GGACT: variants seen among roughly 807,000 people sequenced by gnomAD.
GGACT encodes gamma-glutamylamine cyclotransferase.
For synonymous variants in GGACT, 118 were observed against 115.3 expected, an observed-to-expected ratio of 1.02 and a Z score of -0.15; for missense variants, 241 against 233.2, an observed-to-expected ratio of 1.03 and a Z score of -0.22.
intron 2 of GGACT, among the ~76,000 whole-genome samples, chr13:100,541,284 G>A (rs1195751495): frequency 6.6e-6 from 1 of 151,788 alleles, no homozygotes; most frequent in Non-Finnish European, 1.5e-5. Context: ...CAGAGTGCAG[G>A]GCAAGTATCA....
At chr13:100,535,952 GC>G (rs1470653400) in intron 2 of GGACT, 4 of 151,984 alleles carry the variant, frequency 2.6e-5, no homozygotes, top group Non-Finnish European at 5.9e-5. Flanking sequence ...TGCCATCCAG[GC>G]CACCCTCATT....
chr13:100,563,874 G>T (rs1674838048), intron 2 of GGACT, among the ~76,000 whole-genome samples: 1 of 152,206 alleles, frequency 6.6e-6, no homozygotes, highest in African/African-American at 2.4e-5. Flanking sequence ...GAAAGGAGGA[G>T]GTGGGTGCCT....
chr13:100,540,017 C>T (rs1193552872), intron 2 of GGACT: 3 of 1,310,386 alleles, frequency 2.3e-6, no homozygotes, highest in Admixed American at 3.4e-5. Context: ...CTGTGAATTG[C>T]ACAACTCACA....
In GGACT at chr13:100,545,091, G is replaced by A. The variant is rs1311334798; in HGVS notation, c.-10-12490C>T. Among the ~76,000 whole-genome samples, 2 of 152,362 alleles carry A rather than the reference G, an allele frequency of 1.3e-5. No individual in the cohort carries two copies. The highest frequency in any genetic ancestry group is 2.9e-5 in the Non-Finnish European group (2 of 68,036). On this transcript the variant is annotated intron_variant, in intron 2 of 2. Transcript: ENST00000683975. This position sits in a 1 kb window ranked among gnomAD's most constrained non-coding sequence, Gnocchi z 4.4. ...CGGCCAGCGGCCCAACACTGGAGAT[G>A]CCGTCAACCTCGTCACACAGGGCCA...
Position 100,532,090 on chromosome 13 carries a change from C to G in GGACT, c.*40G>C. ...GCATGGGCTGGGCGCATCTTGGAGC[C>G]CCAGGGCTCTCAAACCTAGGCCCAC... On this transcript the variant is annotated 3_prime_UTR_variant, in exon 3 of 3. Transcript: ENST00000683975. 1 of 1,389,898 alleles carries G rather than the reference C, an allele frequency of 7.2e-7. No individual in the cohort carries two copies. Among genetic ancestry groups the G allele is most frequent in the Non-Finnish European group, 9.5e-7 (1 of 1,055,508 alleles). 86.1% of individuals were successfully genotyped at this position (1,389,898 alleles called of 1,614,324 possible).
chr13:100,530,229 A>T lies in GGACT; in HGVS notation c.*1901T>A, dbSNP rs1174553918. The T allele has an allele frequency of 2.3e-6, 3 of 1,277,082 alleles. No homozygotes were observed. Among genetic ancestry groups the T allele is most frequent in the Non-Finnish European group, 3.4e-6 (3 of 875,006 alleles). The allele number at this position is 1,277,082 out of a possible 1,614,324, so 79.1% of individuals were successfully genotyped here. A position where few individuals can be genotyped will look rare whatever the true frequency, so the allele number is the denominator to read the frequency against. On this transcript the variant is annotated 3_prime_UTR_variant, in exon 3 of 3. Transcript: ENST00000683975. Reference sequence around the variant, plus strand: ...AGCCATTTGCATGATGCTTTCACACACAATTGATTCAAGCATTATACAGGA... The same window carrying T: ...AGCCATTTGCATGATGCTTTCACACTCAATTGATTCAAGCATTATACAGGA...
At position 100,544,517 on chromosome 13, in the gene GGACT, T is replaced by C. The variant is rs116132744; in HGVS notation, c.-10-11916A>G. Among the ~76,000 whole-genome samples, 990 of 152,310 alleles carry C rather than the reference T, an allele frequency of 6.5e-3. 11 individuals carry two copies. The highest frequency in any genetic ancestry group is 0.023 in the African/African-American group (948 of 41,586). ...CCGGAAAAGTCCCTGGCAAAACACC[T>C]TTCTTCCATTATCTGCACCGGCCCC... On this transcript the variant is annotated intron_variant, in intron 2 of 2. Coordinates refer to ENST00000683975, the MANE Select transcript of GGACT (RefSeq NM_001195087.2).
intron 2 of GGACT, chr13:100,535,918 T>A (rs927708439): frequency 6.6e-6 from 1 of 152,134 alleles, no homozygotes; most frequent in Non-Finnish European, 1.5e-5. Flanking sequence ...CCCTGCCAGC[T>A]CTAGTCTGGG....
At chr13:100,558,320 C>A in intron 2 of GGACT, among the ~76,000 whole-genome samples, 1 of 151,884 alleles carries the variant, frequency 6.6e-6, no homozygotes, top group Non-Finnish European at 1.5e-5. Flanking sequence ...TCCAAAAAAA[C>A]CAAAACCAAA....
chr13:100,574,557 C>T (rs1875193801), intron 2 of GGACT, among the ~76,000 whole-genome samples: 1 of 152,160 alleles, frequency 6.6e-6, no homozygotes, highest in South Asian at 2.1e-4. Context: ...GCATGGGCAA[C>T]AGAGCGAGAC....
rs1381553303 is a variant in GGACT, at chr13:100,535,457, C to A, written c.-10-2856G>T. 3.3e-5 allele frequency among the ~76,000 whole-genome samples: 5 copies of A among 152,208 alleles called. No individual in the cohort carries two copies. The East Asian group carries it at 9.6e-4, about 29-fold the overall frequency. ...GTGTGACTTTAGGCAGATCATATAA[C>A]CTCTCTGTGCCTCAGCTTCCTCAAC... On this transcript the variant is annotated intron_variant, in intron 2 of 2. Coordinates refer to ENST00000683975, the MANE Select transcript of GGACT (RefSeq NM_001195087.2).
intron 2 of GGACT, among the ~76,000 whole-genome samples, chr13:100,543,950 G>C (rs537723667): frequency 2.6e-5 from 4 of 152,174 alleles, no homozygotes; most frequent in African/African-American, 4.8e-5. Flanking sequence ...TGGTGATCAC[G>C]GCTGTACACT....
chr13:100,587,852 C>T (rs1480026328), intron 1 of GGACT, among the ~76,000 whole-genome samples: 2 of 152,196 alleles, frequency 1.3e-5, no homozygotes, highest in Non-Finnish European at 2.9e-5. Context: ...ATGGTGAAAC[C>T]CTGTCTCTAC....
chr13:100,542,718 C>T (rs184037475), intron 2 of GGACT, among the ~76,000 whole-genome samples: 4 of 152,246 alleles, frequency 2.6e-5, no homozygotes, highest in Non-Finnish European at 4.4e-5. Context: ...CGGACAATAG[C>T]GGCATCCAGG....
At chr13:100,539,792 C>T in intron 2 of GGACT, 2 of 667,820 alleles carry the variant, frequency 3.0e-6, no homozygotes, top group Admixed American at 2.9e-5. Context: ...TAGAATTTAC[C>T]AGTGAAGCCA....
chr13:100,545,722 G>A lies in GGACT; in HGVS notation c.-10-13121C>T, dbSNP rs529581266. On this transcript the variant is annotated intron_variant, in intron 2 of 2. Coordinates refer to ENST00000683975, the MANE Select transcript of GGACT (RefSeq NM_001195087.2). This position sits in a 1 kb window ranked among gnomAD's most constrained non-coding sequence, Gnocchi z 4.4. Reference sequence around the variant, plus strand: ...GCACTCCTGTGAGTGGAGAGCCCAGGAGTGTGGGATCGTGGTAGACCCAGG... The same window carrying A: ...GCACTCCTGTGAGTGGAGAGCCCAGAAGTGTGGGATCGTGGTAGACCCAGG... Among the ~76,000 whole-genome samples the A allele has an allele frequency of 2.0e-5, 3 of 152,354 alleles. No individual in the cohort carries two copies. Among genetic ancestry groups the A allele is most frequent in the East Asian group, 3.9e-4 (2 of 5,186 alleles).
intron 2 of GGACT, among the ~76,000 whole-genome samples, chr13:100,556,746 G>C (rs1311386226): frequency 6.6e-6 from 1 of 152,062 alleles, no homozygotes; most frequent in African/African-American, 2.4e-5. Flanking sequence ...TTGCATGCTT[G>C]TATCAAAGCA....
At chr13:100,548,316 T>G (rs921931801) in intron 2 of GGACT, among the ~76,000 whole-genome samples, 2 of 152,278 alleles carry the variant, frequency 1.3e-5, no homozygotes, top group Admixed American at 6.5e-5. Context: ...AGAAACATCT[T>G]AAGGTTGTAT....
At chr13:100,566,657 G>C (rs1361158519) in intron 2 of GGACT, among the ~76,000 whole-genome samples, 2 of 152,086 alleles carry the variant, frequency 1.3e-5, no homozygotes, top group Non-Finnish European at 2.9e-5. Context: ...AGGTATTTAA[G>C]AAGTGTCTGC....
Sources: allele counts gnomAD v4.1 joint callset (sites outside exome capture counted in the v4.1 genomes callset), GRCh38; gene constraint gnomAD v4.1.1; non-coding constraint Gnocchi (gnomAD v3.1); transcripts MANE v1.5; gene names NCBI Gene and HGNC (gene_info 2026-07-23, HGNC 2026-07-21).